GAK: variants seen among roughly 807,000 people sequenced by gnomAD.
GAK encodes the protein cyclin-G-associated kinase.
A neutral mutation model predicts 143.9 loss-of-function variants in GAK; 79 were observed. The observed-to-expected ratio is 0.55, with a 90% CI of 0.46 to 0.66. The LOEUF (loss-of-function observed/expected upper bound fraction) is 0.66, where lower values mean the gene tolerates loss of function less well. GAK is among the 30% of genes least tolerant of loss of function. GAK has a pLI of 0.00. For missense variants in GAK, 1,693 were observed against 1,779.7 expected, an observed-to-expected ratio of 0.95 and a Z score of 0.88; for synonymous variants, 881 against 765.5, an observed-to-expected ratio of 1.15 and a Z score of -2.49.
chr4:930,028 C>T (rs1725412867), intron 1 of GAK, among the ~76,000 whole-genome samples: 1 of 152,204 alleles, frequency 6.6e-6, no homozygotes, highest in Non-Finnish European at 1.5e-5. Flanking sequence ...TTATATGCTG[C>T]AATGACCATT....
intron 1 of GAK, among the ~76,000 whole-genome samples, chr4:928,451 G>C (rs1002081165): frequency 1.3e-5 from 2 of 152,190 alleles, no homozygotes; most frequent in African/African-American, 4.8e-5. Flanking sequence ...GGATCACGTA[G>C]GCCCAGGAGT....
intron 11 of GAK, chr4:884,510 G>A: frequency 5.7e-6 from 1 of 176,130 alleles, no homozygotes; most frequent in Non-Finnish European, 1.2e-5. Context: ...CCCAGGCCTG[G>A]TGGTTGTAGC....
intron 23 of GAK, among the ~76,000 whole-genome samples, chr4:862,659 A>G (rs901968619): frequency 3.1e-5 from 4 of 128,302 alleles, no homozygotes; most frequent in Non-Finnish European, 7.4e-5. Context: ...CTCTGTCTCA[A>G]AAAAAAAAAA....
chr4:919,483 T>C (rs1426366123), intron 1 of GAK, among the ~76,000 whole-genome samples: 4 of 152,236 alleles, frequency 2.6e-5, no homozygotes, highest in South Asian at 2.1e-4. Flanking sequence ...ACCCCGCATT[T>C]GGTTCCAAGC....
chr4:890,453 C>G, intron 10 of GAK, 79 bp downstream of exon 10: 1 of 1,098,172 alleles, frequency 9.1e-7, no homozygotes, highest in East Asian at 2.5e-5. Context: ...GGACCCCAGA[C>G]TCCATCCCAA....
chr4:879,216 C>G (rs1314755328), intron 15 of GAK, among the ~76,000 whole-genome samples: 4 of 152,182 alleles, frequency 2.6e-5, no homozygotes, highest in Non-Finnish European at 5.9e-5. Context: ...CCATCCTGTT[C>G]TGAACCCACC....
intron 14 of GAK, among the ~76,000 whole-genome samples, 194 bp from the exon 15 acceptor site, chr4:882,234 C>T (rs192276677): frequency 6.6e-6 from 1 of 152,204 alleles, no homozygotes; most frequent in Non-Finnish European, 1.5e-5. Flanking sequence ...ACTGAAGGTT[C>T]CCTAACGAAG....
chr4:920,689 G>T (rs749700647), intron 1 of GAK, among the ~76,000 whole-genome samples: 5 of 151,540 alleles, frequency 3.3e-5, no homozygotes, highest in Non-Finnish European at 5.9e-5. Context: ...GACTACAGGC[G>T]CCCACCACCA....
At chr4:903,458 C>T (rs569560073) in intron 5 of GAK, among the ~76,000 whole-genome samples, 9 of 152,166 alleles carry the variant, frequency 5.9e-5, no homozygotes, top group South Asian at 4.1e-4. Context: ...GGCAGAGGAG[C>T]GCCAGGCTTC....
At chr4:915,711 C>T (rs1350355098) in intron 1 of GAK, 1 of 152,134 alleles carries the variant, frequency 6.6e-6, no homozygotes, top group Non-Finnish European at 1.5e-5. Flanking sequence ...AGAAAGAAAC[C>T]TCCCCAGCCT....
chr4:914,528 G>A (rs565432149), intron 1 of GAK, among the ~76,000 whole-genome samples: 8 of 58,072 alleles, frequency 1.4e-4, no homozygotes, highest in East Asian at 1.4e-3. Flanking sequence ...GCCCCAGCGT[G>A]CACGGCCACA....
At chr4:859,379 C>CT (rs1307257244) in intron 24 of GAK, 2 of 1,483,386 alleles carry the variant, frequency 1.3e-6, no homozygotes, top group Non-Finnish European at 1.8e-6. Context: ...CCGGTGGGGG[C>CT]TGGCAGCAGT....
intron 1 of GAK, among the ~76,000 whole-genome samples, chr4:917,025 C>T (rs1723177790): frequency 6.6e-6 from 1 of 152,154 alleles, no homozygotes; most frequent in South Asian, 2.1e-4. Flanking sequence ...CATGCAACAA[C>T]ATGAATAACA....
chr4:869,611 C>G (rs111161227), intron 19 of GAK: 1 of 71,374 alleles, frequency 1.4e-5, no homozygotes, highest in East Asian at 6.6e-4. Flanking sequence ...CACATACACA[C>G]ATGCAGGGTA....
Position 870,706 on chromosome 4 carries a change from C to A in GAK, c.2248+5G>T. ...GGTTCACCTAATTCACCTGCGGGAT[C>A]TTACCAAACTTAGACAGAATGTCTT... On this transcript the variant is annotated splice_donor_5th_base_variant and intron_variant, in intron 19 of 27. Coordinates refer to ENST00000314167, the MANE Select transcript of GAK (RefSeq NM_005255.4). The A allele has an allele frequency of 6.2e-7, 1 of 1,613,396 alleles. No individual in the cohort carries two copies. The highest frequency in any genetic ancestry group is 8.5e-7 in the Non-Finnish European group (1 of 1,179,788).
Position 864,094 on chromosome 4 carries a change from C to T in GAK, c.3166+1028G>A, listed in dbSNP as rs555167425. Among the ~76,000 whole-genome samples the T allele has an allele frequency of 1.8e-4, 28 of 152,332 alleles. No homozygotes were observed. In the East Asian group the frequency reaches 3.7e-3, roughly 20 times the overall value. On this transcript the variant is annotated intron_variant, in intron 23 of 27. Coordinates refer to ENST00000314167, the MANE Select transcript of GAK (RefSeq NM_005255.4). Reference sequence around the variant, plus strand: ...TAACTTTTAGCTGGGTGCAGTGGCTCACGCCTGTAATCCCAGCACCCTGAG... The same window carrying T: ...TAACTTTTAGCTGGGTGCAGTGGCTTACGCCTGTAATCCCAGCACCCTGAG...
At chr4:903,286 G>A (rs971698239) in intron 5 of GAK, among the ~76,000 whole-genome samples, 6 of 152,182 alleles carry the variant, frequency 3.9e-5, no homozygotes, top group African/African-American at 9.7e-5. Flanking sequence ...GGGATGCCAC[G>A]CCTCGGAGAA....
In GAK at chr4:866,530, G is replaced by A. The variant is rs759178903; in HGVS notation, c.2877C>T (p.Asp959=). 5.0e-6 allele frequency: 8 copies of A among 1,613,302 alleles called. No homozygotes were observed. The African/African-American group carries it at 9.3e-5, about 19-fold the overall frequency. ...AAGACGGCAGAAGCGGGCCAAAGGG[G>A]TCAGCTGTGGGGACAGGCGGGCATG... ...TPRGGPPAAA[D]PFGPLLPSSG... Residue 959 remains aspartate, a synonymous_variant, in exon 22 of 28, where the codon GAC becomes GAT. Coordinates refer to ENST00000314167, the MANE Select transcript of GAK (RefSeq NM_005255.4).
chr4:868,056 A>T (rs2152750148), intron 20 of GAK, among the ~76,000 whole-genome samples: 2 of 152,312 alleles, frequency 1.3e-5, no homozygotes, highest in Middle Eastern at 6.8e-3. Context: ...CTGGGACAGG[A>T]AGTGGCAGGT....
Sources: allele counts gnomAD v4.1 joint callset (sites outside exome capture counted in the v4.1 genomes callset), GRCh38; gene constraint gnomAD v4.1.1; transcripts MANE v1.5; gene names NCBI Gene and HGNC (gene_info 2026-07-23, HGNC 2026-07-21).